DACH1: variants seen among roughly 807,000 people sequenced by gnomAD.
The protein encoded by DACH1 is dachshund family transcription factor 1, also known as dachshund homolog 1.
In DACH1, 12 loss-of-function variants were observed where a neutral mutation model predicts 54.2. The observed-to-expected ratio is 0.22, with a 90% CI of 0.14 to 0.36. The LOEUF (loss-of-function observed/expected upper bound fraction) is 0.36, where lower values mean the gene tolerates loss of function less well. Ranked by LOEUF, DACH1 falls within the 10% of genes least tolerant of loss-of-function variation. The pLI, the probability that DACH1 is intolerant of heterozygous loss-of-function variation, is 1.00. For missense variants in DACH1, 805 were observed against 929.8 expected, an observed-to-expected ratio of 0.87 and a Z score of 1.75; for synonymous variants, 386 against 366.2, an observed-to-expected ratio of 1.05 and a Z score of -0.62.
intron 1 of DACH1, among the ~76,000 whole-genome samples, chr13:71,848,265 G>C (rs76094520): frequency 0.07 from 10,695 of 151,902 alleles, 413 homozygotes; most frequent in African/African-American, 0.088. Context: ...GTCTTATCTT[G>C]CTTCTCAAAA....
At chr13:71,740,720 T>C (rs1391324320) in intron 1 of DACH1, among the ~76,000 whole-genome samples, 1 of 152,142 alleles carries the variant, frequency 6.6e-6, no homozygotes, top group Non-Finnish European at 1.5e-5. Context: ...TCATAGCAGT[T>C]ACTTCCCAGT....
intron 1 of DACH1, among the ~76,000 whole-genome samples, chr13:71,802,345 G>A (rs776004353): frequency 6.6e-6 from 1 of 151,980 alleles, no homozygotes; most frequent in Non-Finnish European, 1.5e-5. Context: ...GGCTAACTGG[G>A]TTTGTGAATC....
At chr13:71,570,858 GAC>G (rs1296160725) in intron 4 of DACH1, among the ~76,000 whole-genome samples, 1 of 152,034 alleles carries the variant, frequency 6.6e-6, no homozygotes, top group African/African-American at 2.4e-5. Context: ...TCTAAACTCT[GAC>G]AACCAAGTAT....
intron 1 of DACH1, among the ~76,000 whole-genome samples, chr13:71,861,074 G>A (rs994287991): frequency 6.6e-6 from 1 of 151,824 alleles, no homozygotes; most frequent in South Asian, 2.1e-4. Context: ...GGCAAAAAGA[G>A]GGTGGTTAAT....
chr13:71,730,839 T>C (rs1883709241), intron 1 of DACH1, among the ~76,000 whole-genome samples: 1 of 150,654 alleles, frequency 6.6e-6, no homozygotes, highest in Non-Finnish European at 1.5e-5. Context: ...TACAAATCAG[T>C]ATTTTTTTTT....
chr13:71,608,672 T>C (rs117334452), intron 3 of DACH1, among the ~76,000 whole-genome samples: 2,229 of 152,248 alleles, frequency 0.015, 29 homozygotes, highest in Middle Eastern at 0.034. Flanking sequence ...TAATTAATCC[T>C]AAAACTAAAT....
At chr13:71,661,167 A>G (rs926525086) in intron 2 of DACH1, among the ~76,000 whole-genome samples, 1 of 150,630 alleles carries the variant, frequency 6.6e-6, no homozygotes, top group Non-Finnish European at 1.5e-5. Context: ...AGACACATAC[A>G]TATATATATA....
chr13:71,661,231 T>C (rs1380227064), intron 2 of DACH1, among the ~76,000 whole-genome samples: 1 of 151,482 alleles, frequency 6.6e-6, no homozygotes, highest in Non-Finnish European at 1.5e-5. Flanking sequence ...TGAGTAAATA[T>C]GAACTTAATC....
intron 1 of DACH1, among the ~76,000 whole-genome samples, chr13:71,798,141 G>A (rs1357248914): frequency 4.6e-5 from 7 of 151,612 alleles, no homozygotes; most frequent in Non-Finnish European, 8.8e-5. Context: ...AAAGAAAGCA[G>A]GCTGTGTGTC....
At chr13:71,612,564 T>C (rs182596559) in intron 3 of DACH1, among the ~76,000 whole-genome samples, 97 of 152,284 alleles carry the variant, frequency 6.4e-4, no homozygotes, top group African/African-American at 2.3e-3. Context: ...CTGCCTTCAT[T>C]ACACGACCTT....
At chr13:71,474,144 A>G (rs1877315359) in intron 10 of DACH1, among the ~76,000 whole-genome samples, 1 of 33,938 alleles carries the variant, frequency 2.9e-5, no homozygotes, top group Admixed American at 5.4e-4. Flanking sequence ...CAGGTAAAAT[A>G]AATATAGGCA....
At chr13:71,666,902 G>A (rs905961461) in intron 2 of DACH1, among the ~76,000 whole-genome samples, 2 of 152,094 alleles carry the variant, frequency 1.3e-5, no homozygotes, top group Non-Finnish European at 2.9e-5. Context: ...CTTGAATCTG[G>A]AAGGCAGAGG....
chr13:71,783,589 A>G (rs1886469140), intron 1 of DACH1, among the ~76,000 whole-genome samples: 1 of 152,148 alleles, frequency 6.6e-6, no homozygotes, highest in South Asian at 2.1e-4. Context: ...AACGATAACC[A>G]ACGATACCTG....
intron 1 of DACH1, among the ~76,000 whole-genome samples, chr13:71,790,819 T>C (rs966964894): frequency 2.6e-5 from 4 of 152,192 alleles, no homozygotes; most frequent in Non-Finnish European, 5.9e-5. Flanking sequence ...GAAGGAAAGA[T>C]GAAAGGCTAT....
chr13:71,866,710 G>A lies in DACH1; in HGVS notation c.60C>T (p.Ile20=). The A allele has an allele frequency of 6.9e-7, 1 of 1,454,486 alleles. No homozygotes were observed. The highest frequency in any genetic ancestry group is 2.2e-5 in the Admixed American group (1 of 45,044). The allele number at this position is 1,454,486 out of a possible 1,614,324, so 90.1% of individuals were successfully genotyped here. ...PTQLVPPQPP[I]STSASSSGTT... is the part of the protein sequence containing the mutation. ...TGCCAGAGGAGGAAGCAGACGTGGA[G>A]ATTGGGGGTTGAGGGGGGACCAGCT... is the stretch of plus-strand genomic sequence containing the variant. Residue 20 remains isoleucine (I), a synonymous_variant, in exon 1 of 11, where the codon ATC becomes ATT. Coordinates refer to ENST00000613252, the MANE Select transcript of DACH1 (RefSeq NM_080759.6).
chr13:71,482,875 A>T (rs1024678729), intron 7 of DACH1, among the ~76,000 whole-genome samples: 2 of 139,558 alleles, frequency 1.4e-5, no homozygotes, highest in Admixed American at 8.5e-5. Context: ...ATCTCGGCTC[A>T]CTGCAACCTC....
intron 2 of DACH1, among the ~76,000 whole-genome samples, chr13:71,657,167 T>A (rs1003953388): frequency 5.3e-5 from 8 of 151,878 alleles, no homozygotes; most frequent in Non-Finnish European, 1.0e-4. Context: ...GCTAATTGCA[T>A]GCACTGTATA....
At chr13:71,740,365 T>A (rs1884330561) in intron 1 of DACH1, among the ~76,000 whole-genome samples, 1 of 152,148 alleles carries the variant, frequency 6.6e-6, no homozygotes, top group South Asian at 2.1e-4. Flanking sequence ...TTAACAAGTA[T>A]TTTTCTTTAA....
intron 6 of DACH1, among the ~76,000 whole-genome samples, chr13:71,517,507 G>C (rs922562599): frequency 6.6e-6 from 1 of 151,834 alleles, no homozygotes; most frequent in African/African-American, 2.4e-5. Flanking sequence ...AAAACTTCTA[G>C]ATTTTTCTAG....
Sources: allele counts gnomAD v4.1 joint callset (sites outside exome capture counted in the v4.1 genomes callset), GRCh38; gene constraint gnomAD v4.1.1; transcripts MANE v1.5; gene names NCBI Gene and HGNC (gene_info 2026-07-23, HGNC 2026-07-21).